The following MANBA variants were observed in gnomAD, a reference collection of about 807,000 sequenced individuals.
MANBA encodes beta-mannosidase.
Under a neutral mutation model 111.1 loss-of-function variants are expected in MANBA, and 83 were observed. The observed-to-expected ratio is 0.75, with a 90% CI of 0.63 to 0.90. MANBA has a LOEUF of 0.90. Among genes scored for constraint, MANBA ranks in the 40% least tolerant of loss-of-function variants. The probability of loss-of-function intolerance (pLI) is 0.00; values close to 1 mark genes in which losing one functional copy is unlikely to be tolerated. For synonymous variants in MANBA, 370 were observed against 378.7 expected (o/e 0.98, Z 0.27); for missense variants, 1,036 against 1,069.0 (o/e 0.97, Z 0.43).
chr4:102,760,089 T>C (rs1427423046), intron 1 of MANBA, among the ~76,000 whole-genome samples: 5 of 149,736 alleles, frequency 3.3e-5, no homozygotes, highest in African/African-American at 1.2e-4. Context: ...TCCATTGGGA[T>C]ACACACACAC....
intron 7 of MANBA, among the ~76,000 whole-genome samples, chr4:102,686,308 C>T (rs1340661518): frequency 6.6e-6 from 1 of 152,100 alleles, no homozygotes; most frequent in Non-Finnish European, 1.5e-5. Flanking sequence ...AATTTGAATC[C>T]ACTGTAGCTT....
chr4:102,735,365 C>T (rs1723177856), intron 1 of MANBA, among the ~76,000 whole-genome samples: 1 of 151,904 alleles, frequency 6.6e-6, no homozygotes, highest in Non-Finnish European at 1.5e-5. Context: ...GTGCCTTTTA[C>T]TTCCACCTGT....
chr4:102,674,946 TC>T (rs2110227423), intron 7 of MANBA, among the ~76,000 whole-genome samples: 1 of 152,352 alleles, frequency 6.6e-6, no homozygotes, highest in South Asian at 2.1e-4. Context: ...TCCACCATTC[TC>T]CTGCTTCCTG....
intron 10 of MANBA, chr4:102,667,993 T>G (rs1731302485): frequency 6.6e-6 from 1 of 152,220 alleles, no homozygotes; most frequent in Non-Finnish European, 1.5e-5. Context: ...TCAGTAGTAT[T>G]TTACTAGCAT....
chr4:102,709,433 G>GAA (rs1441342679), intron 5 of MANBA, among the ~76,000 whole-genome samples: 3 of 107,402 alleles, frequency 2.8e-5, no homozygotes, highest in Non-Finnish European at 5.6e-5. Context: ...AAGAGAGAGA[G>GAA]AGAAAGGAAG....
chr4:102,634,398 A>G (rs1169847884), intron 16 of MANBA, among the ~76,000 whole-genome samples: 1 of 152,230 alleles, frequency 6.6e-6, no homozygotes, highest in African/African-American at 2.4e-5. Flanking sequence ...CTGGCTTCCA[A>G]ACTTACAAAA....
chr4:102,690,812 TAA>T, intron 5 of MANBA, 41 bp from the exon 6 acceptor site: 1 of 737,972 alleles, frequency 1.4e-6, no homozygotes, highest in Non-Finnish European at 1.9e-6. Context: ...TATATATATA[TAA>T]TATGCTAAGC....
At chr4:102,665,183 CT>C (rs919127095) in intron 10 of MANBA, 12 of 264,374 alleles carry the variant, frequency 4.5e-5, no homozygotes, top group African/African-American at 2.8e-4. Flanking sequence ...ACAAAGAAAA[CT>C]TTCAGGAAAT....
At chr4:102,650,003 T>A (rs1244382849) in intron 13 of MANBA, among the ~76,000 whole-genome samples, 1 of 152,162 alleles carries the variant, frequency 6.6e-6, no homozygotes, top group Non-Finnish European at 1.5e-5. Flanking sequence ...CACCTCAGCC[T>A]CCCAAGTAGT....
chr4:102,730,556 C>T lies in MANBA; in HGVS notation c.178-3873G>A, dbSNP rs1006805209. On this transcript the variant is annotated intron_variant, in intron 1 of 16. Transcript: ENST00000647097. ...TTTTTCTATGAGAAATAAGGCAAGA[C>T]GTAATTTAGTGCGTCATTGATGTCT... The T allele has an allele frequency of 2.2e-5, 12 of 535,142 alleles. 1 individual carries two copies. The highest frequency in any genetic ancestry group is 9.7e-5 in the South Asian group (7 of 72,538). The allele number at this position is 535,142 out of a possible 1,614,324, so 33.1% of individuals were successfully genotyped here.
At chr4:102,674,096 A>G in intron 7 of MANBA, 26 bp from the exon 8 acceptor site, 2 of 1,546,428 alleles carry the variant, frequency 1.3e-6, no homozygotes, top group Non-Finnish European at 1.8e-6. Context: ...TTAAATGATG[A>G]ATATCAAATT....
intron 5 of MANBA, among the ~76,000 whole-genome samples, chr4:102,706,827 A>G (rs1733318747): frequency 6.6e-6 from 1 of 152,182 alleles, no homozygotes; most frequent in Non-Finnish European, 1.5e-5. Context: ...AAAGCAGAAG[A>G]AAGAATTTCA....
intron 1 of MANBA, among the ~76,000 whole-genome samples, chr4:102,744,509 T>A (rs551137706): frequency 2.0e-5 from 3 of 152,350 alleles, no homozygotes; most frequent in African/African-American, 7.2e-5. Flanking sequence ...ATTGCTGGCC[T>A]TGCTAGCTGA....
At chr4:102,644,458 T>C (rs1215930363) in intron 13 of MANBA, among the ~76,000 whole-genome samples, 2 of 152,170 alleles carry the variant, frequency 1.3e-5, no homozygotes, top group African/African-American at 4.8e-5. Flanking sequence ...AAGGAAATCC[T>C]GTCAGTTGTG....
chr4:102,744,753 G>GT (rs1326765521), intron 1 of MANBA, among the ~76,000 whole-genome samples: 1 of 152,214 alleles, frequency 6.6e-6, no homozygotes, highest in Non-Finnish European at 1.5e-5. Context: ...CTTGAACAGG[G>GT]ATGTGATGGG....
intron 5 of MANBA, among the ~76,000 whole-genome samples, chr4:102,694,688 GC>G (rs778626049): frequency 7.2e-5 from 11 of 152,056 alleles, no homozygotes; most frequent in Non-Finnish European, 1.6e-4. Context: ...CCCCTACAGA[GC>G]TCATCCTTCC....
chr4:102,736,601 T>C (rs1723224180), intron 1 of MANBA, among the ~76,000 whole-genome samples: 1 of 152,164 alleles, frequency 6.6e-6, no homozygotes, highest in Non-Finnish European at 1.5e-5. Flanking sequence ...TCTTAGACAC[T>C]TGGGCAAAAA....
At chr4:102,645,993 AC>A (rs1268951289) in intron 13 of MANBA, among the ~76,000 whole-genome samples, 1 of 151,966 alleles carries the variant, frequency 6.6e-6, no homozygotes, top group Non-Finnish European at 1.5e-5. Context: ...AAAAGCAGAA[AC>A]CCTACTCCAT....
intron 5 of MANBA, among the ~76,000 whole-genome samples, chr4:102,705,167 T>C (rs1274483963): frequency 2.0e-5 from 3 of 152,154 alleles, no homozygotes; most frequent in Non-Finnish European, 4.4e-5. Flanking sequence ...TCCCCAATGC[T>C]GGGAGAAGGT....
Sources: gnomAD v4.1 joint callset for allele counts (sites outside exome capture counted in the v4.1 genomes callset) on GRCh38, gnomAD v4.1.1 for gene constraint, MANE v1.5 for transcripts, NCBI Gene and HGNC (gene_info 2026-07-23, HGNC 2026-07-21) for gene names.